Variants in SNRPN observed in about 807,000 individuals in gnomAD.
SNRPN encodes the protein small nuclear ribonucleoprotein-associated protein N.
A neutral mutation model predicts 25.2 loss-of-function variants in SNRPN; 7 were observed. That is an observed-to-expected ratio of 0.28 (90% confidence interval 0.16 to 0.52). The LOEUF (loss-of-function observed/expected upper bound fraction) is 0.52. Among genes scored for constraint, SNRPN ranks in the 20% least tolerant of loss-of-function variants. The pLI is 0.96. For synonymous variants in SNRPN, 124 were observed against 110.6 expected, an observed-to-expected ratio of 1.12 and a Z score of -0.76; for missense variants, 196 against 322.5, an observed-to-expected ratio of 0.61 and a Z score of 3.00.
At chr15:24,847,097 C>T (rs915738636) in intron 2 of SNRPN, among the ~76,000 whole-genome samples, 1 of 152,078 alleles carries the variant, frequency 6.6e-6, no homozygotes, top group Non-Finnish European at 1.5e-5. Flanking sequence ...AAAAGAAATC[C>T]TCTACCTAGA....
At chr15:24,948,389 G>A in intron 3 of SNRPN, among the ~76,000 whole-genome samples, 1 of 152,098 alleles carries the variant, frequency 6.6e-6, no homozygotes, top group East Asian at 1.9e-4. Context: ...TGGGATTACA[G>A]GTGTGAGCCA....
At chr15:24,915,847 ACTC>A (rs1204981756) in intron 2 of SNRPN, among the ~76,000 whole-genome samples, 4 of 151,826 alleles carry the variant, frequency 2.6e-5, no homozygotes, top group African/African-American at 9.7e-5. Flanking sequence ...AAATTATAAA[ACTC>A]CTTGTGACAA....
At chr15:24,968,969 C>T (rs2076048062) in intron 3 of SNRPN, 2 of 151,500 alleles carry the variant, frequency 1.3e-5, no homozygotes, top group African/African-American at 4.9e-5. Context: ...AGAATGCCCT[C>T]ATTTCTGAGA....
chr15:24,918,922 A>ATG (rs2059833061), intron 2 of SNRPN, among the ~76,000 whole-genome samples: 1 of 30,342 alleles, frequency 3.3e-5, no homozygotes, highest in Non-Finnish European at 6.1e-5. Flanking sequence ...TATATAACAT[A>ATG]ATATATATAT....
chr15:24,938,477 C>T (rs768556130), intron 3 of SNRPN, among the ~76,000 whole-genome samples: 3 of 151,874 alleles, frequency 2.0e-5, no homozygotes, highest in Non-Finnish European at 2.9e-5. Context: ...AGTGCTAAAT[C>T]TAGCACTGTC....
At chr15:24,921,953 C>T (rs919338191) in intron 3 of SNRPN, among the ~76,000 whole-genome samples, 1 of 150,518 alleles carries the variant, frequency 6.6e-6, no homozygotes, top group Admixed American at 6.7e-5. Context: ...AATCCCAGCA[C>T]TTTGGGAGGC....
At chr15:24,867,593 C>G (rs1443336643) in intron 1 of SNRPN, among the ~76,000 whole-genome samples, 1 of 152,110 alleles carries the variant, frequency 6.6e-6, no homozygotes, top group Non-Finnish European at 1.5e-5. Context: ...CCAGGATGGT[C>G]CCGATCTCCT....
intron 2 of SNRPN, among the ~76,000 whole-genome samples, chr15:24,836,672 C>T (rs1450151593): frequency 2.0e-5 from 3 of 152,110 alleles, no homozygotes; most frequent in Non-Finnish European, 4.4e-5. Context: ...CTCGGCCTCC[C>T]AGAGTGCTGG....
rs568184369 is a variant in SNRPN, at chr15:24,948,154, C to T, written c.-390-13960C>T. Reference sequence around the variant, plus strand: ...TGAGATGGAGTCTCACTCTGTCGCTCAGGCTGGACAGTGCAGTGGCATGAT... The same window carrying T: ...TGAGATGGAGTCTCACTCTGTCGCTTAGGCTGGACAGTGCAGTGGCATGAT... On this transcript the variant is annotated intron_variant, in intron 3 of 11. Transcript: ENST00000400097. 9.2e-4 allele frequency among the ~76,000 whole-genome samples: 140 copies of T among 152,002 alleles called. 1 individual carries two copies. Among genetic ancestry groups the T allele is most frequent in the African/African-American group, 3.2e-3 (134 of 41,442 alleles).
At chr15:24,913,927 T>C (rs887574462) in intron 2 of SNRPN, among the ~76,000 whole-genome samples, 4 of 152,120 alleles carry the variant, frequency 2.6e-5, no homozygotes, top group Non-Finnish European at 4.4e-5. Context: ...AAAAGGAGAT[T>C]GTGTCCGTAG....
rs3851676 is a variant in SNRPN at position 24,966,691 on chromosome 15, A to T, written c.-294-1241A>T. ...TAAATTCCAAGGATGTATAGGATGT[A>T]TAGGTTACTTCCCAGGAACCAGGAG... On this transcript the variant is annotated intron_variant, in intron 2 of 9. Coordinates refer to ENST00000390687, the MANE Select transcript of SNRPN (RefSeq NM_003097.6). Among the ~76,000 whole-genome samples the T allele has an allele frequency of 4.5e-3, 687 of 152,310 alleles. 4 individuals carry two copies. Among genetic ancestry groups the T allele is most frequent in the African/African-American group, 0.016 (649 of 41,568 alleles).
intron 2 of SNRPN, among the ~76,000 whole-genome samples, chr15:24,887,938 G>A (rs888531752): frequency 6.6e-6 from 1 of 152,028 alleles, no homozygotes; most frequent in Non-Finnish European, 1.5e-5. Flanking sequence ...TTAAGTCATA[G>A]GACAGTAGAG....
chr15:24,906,906 G>A (rs1013033835), intron 2 of SNRPN, among the ~76,000 whole-genome samples: 26 of 152,038 alleles, frequency 1.7e-4, no homozygotes, highest in African/African-American at 5.8e-4. Context: ...TAGGAGAAGA[G>A]GGCCCTAAAG....
intron 2 of SNRPN, chr15:24,909,888 GC>G: frequency 1.5e-6 from 1 of 674,306 alleles, no homozygotes; most frequent in South Asian, 1.7e-5. Flanking sequence ...CGGCGCTGGG[GC>G]AGGGAGAAGG....
rs374400749 is a variant in SNRPN, at chr15:24,975,339, C to G, written c.4-19C>G. On this transcript the variant is annotated intron_variant, in intron 4 of 9. Coordinates refer to ENST00000390687, the MANE Select transcript of SNRPN (RefSeq NM_003097.6). ...GGGTGTTGGCAAGCTGAACATGACT[C>G]TTGTCTTACTGCTTCTAGACTGTTG... The G allele has an allele frequency of 2.4e-5, 38 of 1,607,858 alleles. No individual in the cohort carries two copies. The African/African-American group carries it at 4.7e-4, about 20-fold the overall frequency.
chr15:24,974,577 T>G (rs566806700), intron 4 of SNRPN, 121 bp downstream of exon 4: 3 of 924,038 alleles, frequency 3.2e-6, no homozygotes, highest in Non-Finnish European at 5.4e-6. Context: ...TCCATGGATA[T>G]GGATTCTCAT....
At chr15:24,895,400 AAC>A (rs10558727) in intron 2 of SNRPN, among the ~76,000 whole-genome samples, 13,501 of 147,184 alleles carry the variant, frequency 0.092, 641 homozygotes, top group Middle Eastern at 0.14. Flanking sequence ...AATACACCCA[AAC>A]ACACACACAC....
chr15:24,875,692 G>A (rs2055790274), intron 1 of SNRPN, among the ~76,000 whole-genome samples: 1 of 152,186 alleles, frequency 6.6e-6, no homozygotes, highest in African/African-American at 2.4e-5. Flanking sequence ...GCTGTGGTGT[G>A]AGGACTGCTT....
intron 1 of SNRPN, among the ~76,000 whole-genome samples, chr15:24,885,555 A>G (rs1209545015): frequency 6.6e-6 from 1 of 152,146 alleles, no homozygotes; most frequent in Non-Finnish European, 1.5e-5. Context: ...TTTTGCTTTT[A>G]TTAGCTATTT....
Sources: gnomAD v4.1 joint callset for allele counts (sites outside exome capture counted in the v4.1 genomes callset) on GRCh38, gnomAD v4.1.1 for gene constraint, MANE v1.5 for transcripts, NCBI Gene and HGNC (gene_info 2026-07-23, HGNC 2026-07-21) for gene names.